CYP3A7: variants seen among roughly 807,000 people sequenced by gnomAD.
CYP3A7 encodes cytochrome P450 3A7.
A neutral mutation model predicts 55.2 loss-of-function variants in CYP3A7; 45 were observed. That is an observed-to-expected ratio of 0.82 (90% confidence interval 0.64 to 1.05). CYP3A7 has a LOEUF of 1.05. CYP3A7 is among the 50% of genes least tolerant of loss of function. The pLI is 0.00. For synonymous variants in CYP3A7, 180 were observed against 207.4 expected, an observed-to-expected ratio of 0.87 and a Z score of 1.13; for missense variants, 548 against 605.3, an observed-to-expected ratio of 0.91 and a Z score of 0.99.
rs1813992194 is a variant in CYP3A7, at chr7:99,717,228, A to G, written c.470T>C (p.Val157Ala). The part of the protein sequence containing the change: ...PIIAQYGDVL[V>A]RNLRREAETG... ...CTCTGCTTCCCGCCTCAGATTTCTC[A>G]CCAACACATCTCCATACTGGGCAAT... Residue 157 changes from valine to alanine, a missense_variant, in exon 6 of 13, where the codon GTG (valine) becomes GCG (alanine). Physicochemically the swap from Val to Ala is moderately conservative, Grantham distance 64. Transcript: ENST00000336374. 6.2e-7 allele frequency: 1 copy of G among 1,613,826 alleles called. No individual in the cohort carries two copies. Among genetic ancestry groups the G allele is most frequent in the African/African-American group, 1.3e-5 (1 of 74,906 alleles).
At chr7:99,734,874 G>T (rs1333542942) in intron 1 of CYP3A7, 149 bp downstream of exon 1, 1 of 1,188,364 alleles carries the variant, frequency 8.4e-7, no homozygotes, top group Non-Finnish European at 1.2e-6. Context: ...CACCTGCTCA[G>T]CATCCCAAAG....
chr7:99,724,040 TACCACCTTCCCTGGGTGGCAAGC>T (rs1235502953), intron 2 of CYP3A7, among the ~76,000 whole-genome samples: 11 of 151,926 alleles, frequency 7.2e-5, no homozygotes, highest in Non-Finnish European at 1.3e-4. Flanking sequence ...GGGTGGCAAG[TACCACCTTCCCTGGGTGGCAAGC>T]ACCACCTTCC....
At chr7:99,710,093 C>T (rs1172692742) in intron 10 of CYP3A7, among the ~76,000 whole-genome samples, 1 of 152,180 alleles carries the variant, frequency 6.6e-6, no homozygotes, top group Non-Finnish European at 1.5e-5. Flanking sequence ...TTTGTGCTCA[C>T]CTCACTGCCA....
intron 12 of CYP3A7, 107 bp downstream of exon 12, chr7:99,707,705 G>T (rs1206627007): frequency 1.9e-6 from 3 of 1,538,990 alleles, no homozygotes; most frequent in African/African-American, 1.4e-5. Context: ...TTGGCCCATA[G>T]AACAAATTAT....
chr7:99,731,659 A>T (rs1814628236), intron 1 of CYP3A7, among the ~76,000 whole-genome samples: 2 of 152,138 alleles, frequency 1.3e-5, no homozygotes, highest in African/African-American at 4.8e-5. Context: ...ATTTGCTCAG[A>T]GGCTTTTAAG....
rs756922005 is a variant in CYP3A7 at position 99,710,749 on chromosome 7, T to C, written c.1009A>G (p.Thr337Ala). ...VQQKVQKEIDTVLPNKAPPTY... is the reference protein window; with the variant it reads ...VQQKVQKEIDAVLPNKAPPTY... Reference sequence around the variant, plus strand: ...CCACTCACCTTATTGGGTAAAACTGTATCAATTTCCTTCTGCACTTTCTGC... The same window carrying C: ...CCACTCACCTTATTGGGTAAAACTGCATCAATTTCCTTCTGCACTTTCTGC... Residue 337 changes from threonine (T) to alanine (A), a missense_variant, in exon 10 of 13, where the codon ACA (threonine) becomes GCA (alanine). Physicochemically the swap from Thr to Ala is moderately conservative, Grantham distance 58 (BLOSUM62 0). Transcript: ENST00000336374. The C allele has an allele frequency of 8.1e-6, 13 of 1,613,878 alleles. No homozygotes were observed. The South Asian group carries it at 1.4e-4, about 18-fold the overall frequency.
At chr7:99,721,863 A>G (rs1331890719) in intron 3 of CYP3A7, among the ~76,000 whole-genome samples, 1 of 152,156 alleles carries the variant, frequency 6.6e-6, no homozygotes, top group Non-Finnish European at 1.5e-5. Flanking sequence ...TAACAAAACT[A>G]TCACAAAATA....
chr7:99,721,438 G>C (rs1015144470), intron 3 of CYP3A7, among the ~76,000 whole-genome samples: 6 of 152,182 alleles, frequency 3.9e-5, no homozygotes, highest in African/African-American at 1.4e-4. Flanking sequence ...GAATCGATGT[G>C]GGAAGGAGAT....
intron 12 of CYP3A7, 48 bp from the exon 13 acceptor site, chr7:99,705,643 G>A (rs750249078): frequency 8.7e-6 from 14 of 1,603,120 alleles, no homozygotes; most frequent in East Asian, 6.7e-5. Flanking sequence ...TAAAGCAAAA[G>A]TAGAAAGTAT....
intron 2 of CYP3A7, among the ~76,000 whole-genome samples, chr7:99,724,237 A>G (rs1814322534): frequency 6.6e-6 from 1 of 152,222 alleles, no homozygotes; most frequent in African/African-American, 2.4e-5. Flanking sequence ...CACCTGACCT[A>G]AAACCTAAAT....
rs1813496046 is a variant in CYP3A7, at chr7:99,705,698, CAT to C, written c.1417-105_1417-104del. The C allele has an allele frequency of 2.4e-5, 33 of 1,383,206 alleles. 1 individual carries two copies. In the South Asian group the frequency reaches 3.8e-4, roughly 16 times the overall value. The allele number at this position is 1,383,206 out of a possible 1,614,324, so 85.7% of individuals were successfully genotyped here. A position where few individuals can be genotyped will look rare whatever the true frequency, so the allele number is the denominator to read the frequency against. ...ATTACTGACAATAATGCTTTGTAAA[CAT>C]ATAAAAACTACTTTCAGCACTATAA... On this transcript the variant is annotated intron_variant, in intron 12 of 12. Coordinates refer to ENST00000336374, the MANE Select transcript of CYP3A7 (RefSeq NM_000765.5).
chr7:99,710,684 T>C, intron 10 of CYP3A7, 48 bp downstream of exon 10: 1 of 1,613,382 alleles, frequency 6.2e-7, no homozygotes, highest in South Asian at 1.1e-5. Flanking sequence ...GAAGCATCTT[T>C]GCTAAGGCTT....
chr7:99,725,158 A>C (rs1304071066), intron 2 of CYP3A7, among the ~76,000 whole-genome samples: 1 of 152,170 alleles, frequency 6.6e-6, no homozygotes, highest in African/African-American at 2.4e-5. Flanking sequence ...AAACTACCCA[A>C]GGTAAAGATG....
At chr7:99,730,871 T>C (rs1814585372) in intron 2 of CYP3A7, 188 bp downstream of exon 2, 2 of 688,252 alleles carry the variant, frequency 2.9e-6, no homozygotes, top group Non-Finnish European at 2.3e-6. Context: ...TGAGGCAAAC[T>C]TGAGGTTCCT....
intron 2 of CYP3A7, 197 bp downstream of exon 2, chr7:99,730,862 G>T: frequency 1.6e-6 from 1 of 633,392 alleles, no homozygotes; most frequent in Non-Finnish European, 2.6e-6. Context: ...CTGTCCAACT[G>T]AGGCAAACTT....
At chr7:99,708,338 T>G (rs1274182261) in intron 11 of CYP3A7, among the ~76,000 whole-genome samples, 1 of 152,188 alleles carries the variant, frequency 6.6e-6, no homozygotes, top group Non-Finnish European at 1.5e-5. Flanking sequence ...AAGTCACCCT[T>G]ATGTTGGTCA....
chr7:99,707,502 G>T (rs1187261653), intron 12 of CYP3A7, among the ~76,000 whole-genome samples: 4 of 152,180 alleles, frequency 2.6e-5, no homozygotes, highest in Non-Finnish European at 5.9e-5. Context: ...TGCACCTCAT[G>T]ATTGTGCAAA....
In CYP3A7 at chr7:99,710,617, G is replaced by A. The variant is rs1813711173; in HGVS notation, c.1026+115C>T. ...TATTTTGAGAGCCTTCCTACATATT[G>A]TGAATGAAACAATCATGATTATGCT... On this transcript the variant is annotated intron_variant, in intron 10 of 12. Transcript: ENST00000336374. 5.1e-6 allele frequency: 8 copies of A among 1,556,948 alleles called. No homozygotes were observed. The East Asian group carries it at 1.8e-4, about 36-fold the overall frequency.
In CYP3A7 at chr7:99,705,597, T is replaced by C; in HGVS notation, c.1417-2A>G. ...TCCAAAGCGTAATTTCAGGGGGATCTGCAACAGTTAAACGAGCATATTGAG... is the reference window on the plus strand; with the variant it reads ...TCCAAAGCGTAATTTCAGGGGGATCCGCAACAGTTAAACGAGCATATTGAG... On this transcript the variant is annotated splice_acceptor_variant, in intron 12 of 12. Transcript: ENST00000336374. LOFTEE classifies it high-confidence loss of function. 1 of 1,613,196 alleles carries C rather than the reference T, an allele frequency of 6.2e-7. No homozygotes were observed. Among genetic ancestry groups the C allele is most frequent in the South Asian group, 1.1e-5 (1 of 91,076 alleles).
Sources: gnomAD v4.1 joint callset for allele counts (sites outside exome capture counted in the v4.1 genomes callset) on GRCh38, gnomAD v4.1.1 for gene constraint, MANE v1.5 for transcripts, NCBI Gene and HGNC (gene_info 2026-07-23, HGNC 2026-07-21) for gene names.